The following FRS2 variants were observed in gnomAD, a reference collection of about 807,000 sequenced individuals.
FRS2 encodes FGFR signalling adaptor.
In FRS2, 8 loss-of-function variants were observed where a neutral mutation model predicts 43.9. The ratio of observed to expected loss-of-function variants is 0.18; its 90% CI spans 0.11 to 0.33. The LOEUF is 0.33. Among genes scored for constraint, FRS2 ranks in the 10% least tolerant of loss-of-function variants. The pLI, the probability that FRS2 is intolerant of heterozygous loss-of-function variation, is 1.00. For synonymous variants in FRS2, 219 were observed against 220.3 expected (o/e 0.99, Z 0.05); for missense variants, 534 against 627.6 (o/e 0.85, Z 1.59).
At chr12:69,483,401 C>T (rs898114627) in intron 1 of FRS2, among the ~76,000 whole-genome samples, 19 of 151,990 alleles carry the variant, frequency 1.3e-4, no homozygotes, top group African/African-American at 3.6e-4. Context: ...GAGAATGTTG[C>T]GTGAAGTCAT....
At chr12:69,513,024 T>G (rs1172729783) in intron 1 of FRS2, among the ~76,000 whole-genome samples, 1 of 152,150 alleles carries the variant, frequency 6.6e-6, no homozygotes. Flanking sequence ...GTTCCTTGGG[T>G]AAGTTGCTCA....
chr12:69,471,478 C>G (rs1035472710), intron 1 of FRS2, among the ~76,000 whole-genome samples: 3 of 152,180 alleles, frequency 2.0e-5, no homozygotes, highest in Non-Finnish European at 4.4e-5. Context: ...TGAGAGATTC[C>G]TTACACTGTT....
At chr12:69,551,708 T>C (rs983572094) in intron 3 of FRS2, among the ~76,000 whole-genome samples, 3 of 152,196 alleles carry the variant, frequency 2.0e-5, no homozygotes, top group Non-Finnish European at 4.4e-5. Flanking sequence ...TAGATCAGTA[T>C]TTAAGAAGGG....
At chr12:69,472,597 T>G (rs971809331) in intron 1 of FRS2, among the ~76,000 whole-genome samples, 6 of 152,144 alleles carry the variant, frequency 3.9e-5, no homozygotes, top group Non-Finnish European at 8.8e-5. Context: ...GAAAGGTGAT[T>G]GGGGAAAATC....
rs1083015 is a variant in FRS2 at position 69,546,311 on chromosome 12, G to C, written c.-122+14255G>C. Among the ~76,000 whole-genome samples, 12 of 152,068 alleles carry C rather than the reference G, an allele frequency of 7.9e-5. No individual in the cohort carries two copies. The South Asian group carries it at 1.0e-3, about 13-fold the overall frequency. ...CTCGCTGTATTGCTCAGGCTGGAGC[G>C]CAGTGGTGTGATCTCGGCTCACTGC... On this transcript the variant is annotated intron_variant, in intron 3 of 8. Coordinates refer to ENST00000549921, the MANE Select transcript of FRS2 (RefSeq NM_001278356.2).
At chr12:69,515,053 GT>G (rs1252082032) in intron 1 of FRS2, among the ~76,000 whole-genome samples, 1 of 152,238 alleles carries the variant, frequency 6.6e-6, no homozygotes, top group African/African-American at 2.4e-5. Context: ...AAACTTGTTA[GT>G]TTCATTTTAG....
At chr12:69,484,415 T>G (rs913300492) in intron 1 of FRS2, among the ~76,000 whole-genome samples, 4 of 152,192 alleles carry the variant, frequency 2.6e-5, no homozygotes, top group African/African-American at 7.2e-5. Context: ...GTGCCAGTGT[T>G]CCACAGTTCT....
chr12:69,470,403 AG>A lies in FRS2; in HGVS notation c.-387del. On this transcript the variant is annotated 5_prime_UTR_variant, in exon 1 of 9. Coordinates refer to ENST00000549921, the MANE Select transcript of FRS2 (RefSeq NM_001278356.2). Reference sequence around the variant, plus strand: ...AGTGCTTTTCCAAGATTCGGGCCGGAGAGAGGCCTTGTAGGCACAGCGGCTG... The same window carrying A: ...AGTGCTTTTCCAAGATTCGGGCCGGAAGAGGCCTTGTAGGCACAGCGGCTG... 5.0e-6 allele frequency: 2 copies of A among 398,600 alleles called. No homozygotes were observed. The highest frequency in any genetic ancestry group is 8.8e-6 in the Non-Finnish European group (2 of 226,178). The allele number at this position is 398,600 out of a possible 1,614,324, so 24.7% of individuals were successfully genotyped here.
intron 3 of FRS2, among the ~76,000 whole-genome samples, chr12:69,557,615 TGTGTGCGC>T (rs1403917897): frequency 1.6e-5 from 2 of 121,958 alleles, no homozygotes; most frequent in African/African-American, 7.4e-5. Context: ...TGTGTGTGTG[TGTGTGCGC>T]GCGCGCGCGC....
chr12:69,553,029 A>G (rs1442171613), intron 3 of FRS2, among the ~76,000 whole-genome samples: 1 of 152,192 alleles, frequency 6.6e-6, no homozygotes, highest in Non-Finnish European at 1.5e-5. Flanking sequence ...AAATAACACA[A>G]AACTCAGAAC....
chr12:69,574,475 T>C lies in FRS2; in HGVS notation c.1047T>C (p.Tyr349=), dbSNP rs1881034943. The C allele has an allele frequency of 6.2e-7, 1 of 1,613,928 alleles. No homozygotes were observed. The highest frequency in any genetic ancestry group is 8.5e-7 in the Non-Finnish European group (1 of 1,179,930). ...AGAGAAGAACTGCATTATTAAACTA[T>C]GAAAATCTACCATCTTTGCCTCCTG... ...SAQRRTALLN[Y]ENLPSLPPVW... is the part of the protein sequence containing the mutation. The change falls in exon 9 of 9, where the codon TAT becomes TAC. Residue 349 remains tyrosine (Y), a synonymous_variant. Transcript: ENST00000549921.
intron 1 of FRS2, among the ~76,000 whole-genome samples, chr12:69,524,963 T>C (rs1433453753): frequency 1.3e-5 from 2 of 151,962 alleles, no homozygotes; most frequent in Non-Finnish European, 2.9e-5. Flanking sequence ...CTGTGTAGGG[T>C]TCCCAGCTTC....
Position 69,571,393 on chromosome 12 carries a change from A to G in FRS2, c.371A>G (p.Gln124Arg). The G allele has an allele frequency of 6.2e-7, 1 of 1,613,104 alleles. No individual in the cohort carries two copies. Among genetic ancestry groups the G allele is most frequent in the Non-Finnish European group, 8.5e-7 (1 of 1,179,304 alleles). The change falls in exon 7 of 9, where the codon CAG becomes CGG. Residue 124 changes from glutamine to arginine, a missense_variant. Transcript: ENST00000549921. ...EEPVVERNNHQTELEVPRTPR... is the reference protein window; with the variant it reads ...EEPVVERNNHRTELEVPRTPR... ...CCAGTTGTAGAAAGAAATAATCATC[A>G]GACAGAATTGGAAGTCCCTAGAACA...
At chr12:69,499,309 A>G (rs1873214075) in intron 1 of FRS2, among the ~76,000 whole-genome samples, 1 of 152,218 alleles carries the variant, frequency 6.6e-6, no homozygotes. Flanking sequence ...GAGTTGAACT[A>G]GGATGCTTGA....
chr12:69,482,190 A>G (rs1288665513), intron 1 of FRS2, among the ~76,000 whole-genome samples: 4 of 152,226 alleles, frequency 2.6e-5, no homozygotes, highest in Non-Finnish European at 2.9e-5. Context: ...TAGATCAAGA[A>G]GTCAATAGAG....
chr12:69,508,830 T>C (rs758812867), intron 1 of FRS2, among the ~76,000 whole-genome samples: 13 of 152,332 alleles, frequency 8.5e-5, no homozygotes, highest in Non-Finnish European at 1.2e-4. Context: ...CTAAGAAGGA[T>C]GAAGATTAGT....
intron 4 of FRS2, among the ~76,000 whole-genome samples, chr12:69,562,752 A>G (rs997446379): frequency 1.3e-5 from 2 of 152,004 alleles, no homozygotes; most frequent in Non-Finnish European, 1.5e-5. Flanking sequence ...GTGCAGTGGC[A>G]TATCATAGCT....
At chr12:69,560,413 GTAT>G (rs1879786929) in intron 3 of FRS2, among the ~76,000 whole-genome samples, 1 of 152,142 alleles carries the variant, frequency 6.6e-6, no homozygotes, top group African/African-American at 2.4e-5. Context: ...AAATAACAAA[GTAT>G]TGTTGTTTTC....
chr12:69,532,319 T>C (rs1215613834), intron 3 of FRS2, among the ~76,000 whole-genome samples: 4 of 152,216 alleles, frequency 2.6e-5, no homozygotes, highest in Non-Finnish European at 1.5e-5. Flanking sequence ...CAGAGCTTAT[T>C]GAGTGGGTTT....
Sources: gnomAD v4.1 joint callset for allele counts (sites outside exome capture counted in the v4.1 genomes callset) on GRCh38, gnomAD v4.1.1 for gene constraint, MANE v1.5 for transcripts, NCBI Gene and HGNC (gene_info 2026-07-23, HGNC 2026-07-21) for gene names.